Variants in MAF observed in about 807,000 individuals in gnomAD.
The protein encoded by MAF is MAF bZIP transcription factor, also known as transcription factor Maf.
In MAF, 10 loss-of-function variants were observed where a neutral mutation model predicts 22.0. That is an observed-to-expected ratio of 0.45 (90% CI 0.28 to 0.77). The LOEUF is 0.77. Among genes scored for constraint, MAF ranks in the 30% least tolerant of loss-of-function variants. The probability of loss-of-function intolerance (pLI) is 0.12; values close to 1 mark genes in which losing one functional copy is unlikely to be tolerated. For missense variants in MAF, 544 were observed against 548.4 expected, an observed-to-expected ratio of 0.99 and a Z score of 0.08; for synonymous variants, 337 against 255.8, an observed-to-expected ratio of 1.32 and a Z score of -3.03.
chr16:79,489,139 CCATCCATCCACCCATCCCCACA>C, the MAF span, among the ~76,000 whole-genome samples: 1 of 152,076 alleles, frequency 6.6e-6, no homozygotes, highest in African/African-American at 2.4e-5. Context: ...ATCCACTCAT[CCATCCATCCACCCATCCCCACA>C]CATCCATCCA....
chr16:79,372,261 A>C, the MAF span, among the ~76,000 whole-genome samples: 1 of 152,038 alleles, frequency 6.6e-6, no homozygotes, highest in African/African-American at 2.4e-5. Flanking sequence ...GGATGGGGGA[A>C]CTTGCTCAGA....
chr16:79,523,161 T>C, the MAF span, among the ~76,000 whole-genome samples: 2 of 152,216 alleles, frequency 1.3e-5, no homozygotes, highest in Admixed American at 6.5e-5. Flanking sequence ...ATTGTTATGA[T>C]ATGAGAACAT....
At chr16:79,208,977 A>G in the MAF span, among the ~76,000 whole-genome samples, 1 of 152,206 alleles carries the variant, frequency 6.6e-6, no homozygotes, top group South Asian at 2.1e-4. Context: ...AGAATTTGCC[A>G]AAGGTGGACG....
At chr16:79,595,267 G>A in intron 1 of MAF, 1 of 1,048,280 alleles carries the variant, frequency 9.5e-7, no homozygotes, top group Non-Finnish European at 1.2e-6. Flanking sequence ...CATAAAGGAA[G>A]GTCAAAATGT....
the MAF span, among the ~76,000 whole-genome samples, chr16:79,456,077 A>C: frequency 6.6e-6 from 1 of 152,302 alleles, no homozygotes; most frequent in Admixed American, 6.5e-5. Context: ...CCTTTGGTGA[A>C]TGAGACAAAT....
downstream of MAF, among the ~76,000 whole-genome samples, chr16:79,584,647 T>C (rs1030863709): frequency 1.3e-5 from 2 of 152,196 alleles, no homozygotes; most frequent in South Asian, 2.1e-4. Context: ...GGTTTTCACA[T>C]TGTAATGATA....
chr16:79,291,493 C>G, the MAF span, among the ~76,000 whole-genome samples: 2 of 151,994 alleles, frequency 1.3e-5, no homozygotes, highest in African/African-American at 4.8e-5. Context: ...GTTTCTGAGT[C>G]TCCTTACCTT....
At chr16:79,232,598 G>T in the MAF span, among the ~76,000 whole-genome samples, 40 of 151,964 alleles carry the variant, frequency 2.6e-4, no homozygotes, top group African/African-American at 9.7e-4. Context: ...AGCCCTTCCT[G>T]CCTGACACTC....
At chr16:79,311,149 C>T in the MAF span, among the ~76,000 whole-genome samples, 19 of 151,958 alleles carry the variant, frequency 1.3e-4, no homozygotes, top group Non-Finnish European at 1.2e-4. Flanking sequence ...TCGCCAGGCT[C>T]TCTCCCTCCC....
At chr16:79,463,825 T>C in the MAF span, among the ~76,000 whole-genome samples, 2 of 152,192 alleles carry the variant, frequency 1.3e-5, no homozygotes, top group African/African-American at 4.8e-5. Context: ...CTGTGAACTG[T>C]GAAACATGGC....
the MAF span, among the ~76,000 whole-genome samples, chr16:79,517,785 G>A: frequency 6.6e-6 from 1 of 152,050 alleles, no homozygotes; most frequent in East Asian, 1.9e-4. Flanking sequence ...ATGTTGGCCA[G>A]GCTGGTCTCA....
the MAF span, among the ~76,000 whole-genome samples, chr16:79,528,434 A>T: frequency 6.6e-6 from 1 of 151,996 alleles, no homozygotes; most frequent in Non-Finnish European, 1.5e-5. Context: ...TCTTGGCAAA[A>T]CCCCTGCCAC....
intron 1 of MAF, chr16:79,598,474 AGC>A: frequency 7.9e-7 from 1 of 1,270,896 alleles, no homozygotes; most frequent in Non-Finnish European, 1.0e-6. Flanking sequence ...AAAAAAAACA[AGC>A]TAGCAAGTTA....
At chr16:79,555,698 G>T in the MAF span, among the ~76,000 whole-genome samples, 1 of 152,312 alleles carries the variant, frequency 6.6e-6, no homozygotes. Context: ...TTTCAGATTA[G>T]GGATACTCAG....
the MAF span, among the ~76,000 whole-genome samples, chr16:79,415,294 G>C: frequency 6.6e-6 from 1 of 150,640 alleles, no homozygotes; most frequent in Non-Finnish European, 1.5e-5. Flanking sequence ...AGGGAGGGAG[G>C]GAAGGAAGGG....
chr16:79,333,395 T>C, the MAF span, among the ~76,000 whole-genome samples: 1 of 152,092 alleles, frequency 6.6e-6, no homozygotes, highest in Non-Finnish European at 1.5e-5. Context: ...GGGAGAGTTC[T>C]GTAAAAAGTC....
chr16:79,376,266 T>C, the MAF span, among the ~76,000 whole-genome samples: 1 of 152,168 alleles, frequency 6.6e-6, no homozygotes, highest in South Asian at 2.1e-4. Context: ...TTAATATTGT[T>C]ACACAAAAAT....
chr16:79,439,257 C>CTTTTTTTTTTTTT, the MAF span, among the ~76,000 whole-genome samples: 2 of 130,804 alleles, frequency 1.5e-5, no homozygotes, highest in Non-Finnish European at 1.6e-5. Flanking sequence ...TAGGTACTTA[C>CTTTTTTTTTTTTT]TTTTTTTTTT....
chr16:79,273,767 G>A, the MAF span, among the ~76,000 whole-genome samples: 8 of 151,892 alleles, frequency 5.3e-5, no homozygotes, highest in African/African-American at 1.2e-4. Context: ...TTATTTTAAC[G>A]TCAGCTGATT....
Sources: allele counts gnomAD v4.1 joint callset (sites outside exome capture counted in the v4.1 genomes callset), GRCh38; gene constraint gnomAD v4.1.1; transcripts MANE v1.5; gene names NCBI Gene and HGNC (gene_info 2026-07-23, HGNC 2026-07-21).